Variants in UBTD1 observed in about 807,000 individuals in gnomAD.
UBTD1 encodes the protein ubiquitin domain-containing protein 1.
In UBTD1, 19 loss-of-function variants were observed where a neutral mutation model predicts 21.7. That is an observed-to-expected ratio of 0.87 (90% CI 0.61 to 1.28). UBTD1 has a LOEUF of 1.28. UBTD1 is among the 50% of genes most tolerant of loss of function. UBTD1 has a pLI of 0.00. For synonymous variants in UBTD1, 116 were observed against 135.1 expected (o/e 0.86, Z 0.98); for missense variants, 282 against 315.1 (o/e 0.89, Z 0.80).
intron 1 of UBTD1, among the ~76,000 whole-genome samples, chr10:97,507,821 G>T (rs1175414440): frequency 6.6e-6 from 1 of 151,058 alleles, no homozygotes; most frequent in Non-Finnish European, 1.5e-5. Context: ...TGGCAGGAAA[G>T]GGGCTGGAAC....
chr10:97,533,996 C>G (rs574436395), intron 1 of UBTD1, among the ~76,000 whole-genome samples: 14 of 152,320 alleles, frequency 9.2e-5, no homozygotes, highest in Non-Finnish European at 1.3e-4. Flanking sequence ...GGGCCACAGC[C>G]CATCTGCCCT....
rs200001647 is a variant in UBTD1 at position 97,560,129 on chromosome 10, AT to A, written c.71-7775del. Among the ~76,000 whole-genome samples the A allele has an allele frequency of 2.5e-4, 37 of 149,940 alleles. No homozygotes were observed. In the East Asian group the frequency reaches 4.5e-3, roughly 18 times the overall value. On this transcript the variant is annotated intron_variant, in intron 1 of 2. Transcript: ENST00000370664. ...TTCAACTTTTTGACTTGTTACAAAC[AT>A]TTTTTTTTTCTTTAAACAACCACTT...
intron 1 of UBTD1, among the ~76,000 whole-genome samples, chr10:97,530,979 C>G (rs1005185294): frequency 1.3e-5 from 2 of 151,402 alleles, no homozygotes; most frequent in African/African-American, 4.9e-5. Flanking sequence ...GCTCTGCCTC[C>G]TGGGTTCATG....
intron 1 of UBTD1, among the ~76,000 whole-genome samples, chr10:97,529,774 G>C (rs539568143): frequency 1.3e-5 from 2 of 151,976 alleles, no homozygotes; most frequent in Non-Finnish European, 2.9e-5. Flanking sequence ...GAGGGAGACC[G>C]TGGGGAGAGG....
intron 1 of UBTD1, among the ~76,000 whole-genome samples, chr10:97,536,052 G>C (rs1289330276): frequency 6.7e-6 from 1 of 150,374 alleles, no homozygotes; most frequent in African/African-American, 2.5e-5. Flanking sequence ...GAGTGCAGTG[G>C]TGCGATCTCA....
intron 1 of UBTD1, among the ~76,000 whole-genome samples, chr10:97,526,218 G>A (rs74152202): frequency 0.017 from 2,541 of 152,314 alleles, 64 homozygotes; most frequent in African/African-American, 0.057. Flanking sequence ...ACTGCTGGTG[G>A]AAGTGAAAAT....
intron 1 of UBTD1, among the ~76,000 whole-genome samples, chr10:97,509,375 C>T (rs185148523): frequency 2.6e-5 from 4 of 152,296 alleles, no homozygotes; most frequent in South Asian, 2.1e-4. Flanking sequence ...AGTAGTGAAG[C>T]GTGAAATGTG....
chr10:97,516,156 G>T lies in UBTD1; in HGVS notation c.70+16883G>T, dbSNP rs73330727. On this transcript the variant is annotated intron_variant, in intron 1 of 2. Transcript: ENST00000370664. ...TGTCAGCAGGAGCCCCTCCAGGTTC[G>T]CTCAGGGGAAAGGGGCTTTGTTGGA... Among the ~76,000 whole-genome samples, 608 of 152,308 alleles carry T rather than the reference G, an allele frequency of 4.0e-3. 5 individuals carry two copies. The highest frequency in any genetic ancestry group is 0.014 in the African/African-American group (574 of 41,564).
At chr10:97,527,877 CG>C (rs1293355963) in intron 1 of UBTD1, among the ~76,000 whole-genome samples, 1 of 152,228 alleles carries the variant, frequency 6.6e-6, no homozygotes, top group Admixed American at 6.5e-5. Context: ...AGCAACCATC[CG>C]ATTTCTCAAT....
intron 1 of UBTD1, among the ~76,000 whole-genome samples, chr10:97,546,776 A>G (rs937172904): frequency 1.3e-5 from 2 of 151,926 alleles, no homozygotes; most frequent in African/African-American, 4.8e-5. Context: ...CCATTGGCAT[A>G]TTCTTCAGAG....
chr10:97,548,105 G>A (rs1183315655), intron 1 of UBTD1, among the ~76,000 whole-genome samples: 1 of 152,192 alleles, frequency 6.6e-6, no homozygotes, highest in African/African-American at 2.4e-5. Context: ...TCATCCACCC[G>A]TGGTCACAAA....
intron 1 of UBTD1, among the ~76,000 whole-genome samples, chr10:97,524,652 T>G (rs11189258): frequency 0.3 from 45,729 of 152,134 alleles, 7,020 homozygotes; most frequent in Non-Finnish European, 0.32. Context: ...GCTTAAAGAA[T>G]GAGGAGTTTG....
chr10:97,511,389 C>T (rs2040422762), intron 1 of UBTD1, among the ~76,000 whole-genome samples: 1 of 152,134 alleles, frequency 6.6e-6, no homozygotes, highest in South Asian at 2.1e-4. Flanking sequence ...AGGTTCCTTC[C>T]ATGCAATACC....
Position 97,499,039 on chromosome 10 carries a change from C to CA in UBTD1, c.-162dup. ...CCACTTCCCTCTCTCCCCTGGCCCG[C>CA]AAAGTTTTGGCGGAGCCATCGCTGG... On this transcript the variant is annotated 5_prime_UTR_variant, in exon 1 of 3. Coordinates refer to ENST00000370664, the MANE Select transcript of UBTD1 (RefSeq NM_024954.5). The CA allele has an allele frequency of 2.6e-6, 2 of 770,146 alleles. No individual in the cohort carries two copies. Among genetic ancestry groups the CA allele is most frequent in the Non-Finnish European group, 3.9e-6 (2 of 506,348 alleles). The allele number at this position is 770,146 out of a possible 1,614,324, so 47.7% of individuals were successfully genotyped here. A position where few individuals can be genotyped will look rare whatever the true frequency, so the allele number is the denominator to read the frequency against.
intron 1 of UBTD1, among the ~76,000 whole-genome samples, chr10:97,510,321 T>C (rs1286902530): frequency 3.3e-5 from 5 of 152,362 alleles, no homozygotes; most frequent in Non-Finnish European, 5.9e-5. Flanking sequence ...ATCTATAAGA[T>C]AGTTTTCCTT....
At chr10:97,541,081 C>T (rs576915004) in intron 1 of UBTD1, among the ~76,000 whole-genome samples, 2 of 152,278 alleles carry the variant, frequency 1.3e-5, no homozygotes, top group South Asian at 4.1e-4. Context: ...TGAAACCACT[C>T]ACTGGATTCC....
intron 1 of UBTD1, among the ~76,000 whole-genome samples, chr10:97,528,890 G>A (rs368185346): frequency 0.017 from 2,458 of 147,716 alleles, 54 homozygotes; most frequent in East Asian, 0.073. Context: ...GGCTGGCCGG[G>A]TGGGGGGCTG....
intron 1 of UBTD1, among the ~76,000 whole-genome samples, chr10:97,524,102 G>A (rs528437453): frequency 6.6e-6 from 1 of 152,188 alleles, no homozygotes; most frequent in South Asian, 2.1e-4. Flanking sequence ...TGATCACAGT[G>A]CCCCTGCTCC....
chr10:97,500,051 A>G (rs2040348991), intron 1 of UBTD1, among the ~76,000 whole-genome samples: 1 of 152,208 alleles, frequency 6.6e-6, no homozygotes. Context: ...GGGTGTTGCA[A>G]GGACCCGCTG....
Sources: gnomAD v4.1 joint callset for allele counts (sites outside exome capture counted in the v4.1 genomes callset) on GRCh38, gnomAD v4.1.1 for gene constraint, MANE v1.5 for transcripts, NCBI Gene and HGNC (gene_info 2026-07-23, HGNC 2026-07-21) for gene names.